The following RIPOR2 variants were observed in gnomAD, a reference collection of about 807,000 sequenced individuals.
RIPOR2 encodes rho family-interacting cell polarization regulator 2.
RIPOR2 carries 39 observed loss-of-function variants against 114.5 expected under a neutral mutation model. The ratio of observed to expected loss-of-function variants is 0.34; its 90% CI spans 0.26 to 0.44. The LOEUF is 0.44. RIPOR2 is among the 20% of genes least tolerant of loss of function. The pLI is 1.00. For missense variants in RIPOR2, 1,007 were observed against 1,255.1 expected (o/e 0.80, Z 2.99); for synonymous variants, 445 against 484.4 (o/e 0.92, Z 1.07).
chr6:24,936,187 A>G, upstream of RIPOR2: 1 of 288,850 alleles, frequency 3.5e-6, no homozygotes. Context: ...GTCTGAATGC[A>G]ATGAATTCTA....
At chr6:24,991,531 G>A (rs1774814926) in intron 1 of RIPOR2, among the ~76,000 whole-genome samples, 1 of 152,120 alleles carries the variant, frequency 6.6e-6, no homozygotes, top group Admixed American at 6.5e-5. Flanking sequence ...ATGTCCCCCT[G>A]CTAGGTAACC....
rs1780698224 is a variant in RIPOR2 at position 24,805,224 on chromosome 6, G to T, written c.*1149C>A. Reference sequence around the variant, plus strand: ...TATGGTAAGAATATCATAAAAAATAGCTCTCATTAATTAAAAAAAAAAAAG... The same window carrying T: ...TATGGTAAGAATATCATAAAAAATATCTCTCATTAATTAAAAAAAAAAAAG... On this transcript the variant is annotated 3_prime_UTR_variant, in exon 22 of 22. Coordinates refer to ENST00000643898, the MANE Select transcript of RIPOR2 (RefSeq NM_001286445.3). 6.8e-6 allele frequency: 1 copy of T among 146,558 alleles called. No homozygotes were observed. Among genetic ancestry groups the T allele is most frequent in the East Asian group, 2.0e-4 (1 of 5,124 alleles). 9.1% of individuals were successfully genotyped at this position (146,558 alleles called of 1,614,324 possible).
At position 24,849,877 on chromosome 6, in the gene RIPOR2, G is replaced by T. The variant is rs1762686297; in HGVS notation, c.959C>A (p.Ala320Glu). The T allele has an allele frequency of 6.2e-7, 1 of 1,613,860 alleles. No homozygotes were observed. Among genetic ancestry groups the T allele is most frequent in the Admixed American group, 1.7e-5 (1 of 60,016 alleles). Residue 320 changes from alanine (A) to glutamate (E), a missense_variant, in exon 11 of 22, where the codon GCA becomes GAA. By Grantham distance (107) the Ala-to-Glu change is moderately radical (BLOSUM62 -1). Transcript: ENST00000643898. ...SVTCETKELF[A>E]ARPQVVAVDI... is the part of the protein sequence containing the mutation. The stretch of plus-strand genomic sequence containing the variant: ...GACAGCCACTACCTGAGGTCGGGCT[G>T]CAAACAGCTCTTTGGTCTCACAGGT...
intron 1 of RIPOR2, among the ~76,000 whole-genome samples, chr6:24,970,511 A>G (rs1773734447): frequency 1.3e-5 from 2 of 152,236 alleles, no homozygotes; most frequent in South Asian, 2.1e-4. Flanking sequence ...CTCCAGGCCT[A>G]CTGAACTGGA....
At chr6:25,023,141 G>A (rs567542300) in intron 1 of RIPOR2, 21 of 537,096 alleles carry the variant, frequency 3.9e-5, no homozygotes, top group African/African-American at 3.0e-4. Flanking sequence ...CCACTACGCT[G>A]CCAGCCGGGA....
At chr6:25,040,120 C>CTT (rs11384967) in intron 1 of RIPOR2, among the ~76,000 whole-genome samples, 62 of 144,870 alleles carry the variant, frequency 4.3e-4, no homozygotes, top group East Asian at 4.0e-4. Flanking sequence ...TAGACTTCTA[C>CTT]TTTTTTTTTT....
At chr6:24,921,735 G>A (rs1167484004) in intron 1 of RIPOR2, among the ~76,000 whole-genome samples, 3 of 150,716 alleles carry the variant, frequency 2.0e-5, no homozygotes, top group Non-Finnish European at 2.9e-5. Context: ...TCACAAGGCT[G>A]GGACTTTGTT....
chr6:25,035,511 T>C (rs1050099851), intron 1 of RIPOR2, among the ~76,000 whole-genome samples: 7 of 152,118 alleles, frequency 4.6e-5, no homozygotes, highest in Non-Finnish European at 8.8e-5. Flanking sequence ...AATCAGCAGG[T>C]TGGAAACGGC....
intron 1 of RIPOR2, among the ~76,000 whole-genome samples, chr6:24,884,963 G>A (rs932127041): frequency 1.3e-5 from 2 of 152,100 alleles, no homozygotes; most frequent in African/African-American, 2.4e-5. Context: ...TCTCTGGAAA[G>A]TGATATGATA....
chr6:25,023,862 G>C (rs1776461546), intron 1 of RIPOR2: 1 of 729,044 alleles, frequency 1.4e-6, no homozygotes, highest in African/African-American at 1.7e-5. Context: ...CCGGTTCCTA[G>C]GTCTTCGTGT....
upstream of RIPOR2, among the ~76,000 whole-genome samples, chr6:24,937,294 T>C (rs2114167644): frequency 6.6e-6 from 1 of 152,242 alleles, no homozygotes; most frequent in East Asian, 1.9e-4. Context: ...GGGTTATTAC[T>C]GGTATTTAAT....
At chr6:24,810,668 T>A (rs1235816879) in intron 20 of RIPOR2, among the ~76,000 whole-genome samples, 1 of 152,170 alleles carries the variant, frequency 6.6e-6, no homozygotes, top group Non-Finnish European at 1.5e-5. Flanking sequence ...ACTTTGTCTG[T>A]ATCACAGACA....
chr6:24,911,419 T>C (rs1017143029), intron 1 of RIPOR2, among the ~76,000 whole-genome samples: 1 of 151,780 alleles, frequency 6.6e-6, no homozygotes, highest in Non-Finnish European at 1.5e-5. Context: ...AGCTAACCTT[T>C]TGGGATCTTT....
chr6:24,864,709 A>G (rs1021411201), intron 7 of RIPOR2, among the ~76,000 whole-genome samples: 7 of 152,196 alleles, frequency 4.6e-5, no homozygotes, highest in Admixed American at 4.6e-4. Context: ...GAGAGTTGGA[A>G]ACCAGGAAAG....
rs1776083489 is a variant in RIPOR2 at position 25,017,717 on chromosome 6, A to T, written c.76+24134T>A. 2.6e-5 allele frequency among the ~76,000 whole-genome samples: 4 copies of T among 152,212 alleles called. No individual in the cohort carries two copies. The South Asian group carries it at 8.3e-4, about 31-fold the overall frequency. The stretch of plus-strand genomic sequence containing the variant: ...ATTCACTGTTCTTGTATTTTGACCC[A>T]GGAGAGTGGTAGCTGCGGTGTGGGA... On this transcript the variant is annotated intron_variant, in intron 1 of 13. Coordinates refer to the RIPOR2 transcript ENST00000510784.
At chr6:24,825,828 G>C (rs1177170836) in intron 18 of RIPOR2, among the ~76,000 whole-genome samples, 1 of 152,104 alleles carries the variant, frequency 6.6e-6, no homozygotes, top group Admixed American at 6.5e-5. Flanking sequence ...CCCCAATCCT[G>C]GGTGAACCCA....
chr6:24,920,486 C>T (rs1770399865), intron 1 of RIPOR2, among the ~76,000 whole-genome samples: 1 of 152,128 alleles, frequency 6.6e-6, no homozygotes, highest in East Asian at 1.9e-4. Context: ...TTAAATTGCC[C>T]TTTAGTGTTC....
At chr6:24,944,155 T>C (rs917491527) in intron 1 of RIPOR2, among the ~76,000 whole-genome samples, 2 of 152,202 alleles carry the variant, frequency 1.3e-5, no homozygotes, top group African/African-American at 4.8e-5. Flanking sequence ...GCTGTGTATA[T>C]GCTCAGAAAA....
intron 1 of RIPOR2, among the ~76,000 whole-genome samples, chr6:24,977,182 TAAC>T (rs1282190907): frequency 6.6e-6 from 1 of 151,074 alleles, no homozygotes; most frequent in Non-Finnish European, 1.5e-5. Context: ...AAAAACTAAA[TAAC>T]AACAACAACA....
Sources: allele counts gnomAD v4.1 joint callset (sites outside exome capture counted in the v4.1 genomes callset), GRCh38; gene constraint gnomAD v4.1.1; transcripts MANE v1.5; gene names NCBI Gene and HGNC (gene_info 2026-07-23, HGNC 2026-07-21).